The following SMAGP variants were observed in gnomAD, a reference collection of about 807,000 sequenced individuals.
The protein encoded by SMAGP is small cell adhesion glycoprotein.
A neutral mutation model predicts 10.1 loss-of-function variants in SMAGP; 7 were observed. The observed-to-expected ratio is 0.70, with a 90% CI of 0.40 to 1.31. SMAGP has a LOEUF of 1.31. Among genes scored for constraint, SMAGP ranks in the 50% most tolerant of loss-of-function variants. SMAGP has a pLI of 0.01. For synonymous variants in SMAGP, 49 were observed against 47.2 expected (o/e 1.04, Z -0.16); for missense variants, 113 against 116.5 (o/e 0.97, Z 0.14).
chr12:51,259,318 T>C (rs550777819), intron 2 of SMAGP, among the ~76,000 whole-genome samples: 26 of 152,296 alleles, frequency 1.7e-4, no homozygotes, highest in African/African-American at 6.0e-4. Flanking sequence ...CTTACTGTGT[T>C]GCCTAGGCTA....
At chr12:51,259,372 A>T (rs1944913845) in intron 2 of SMAGP, among the ~76,000 whole-genome samples, 1 of 151,658 alleles carries the variant, frequency 6.6e-6, no homozygotes, top group Non-Finnish European at 1.5e-5. Context: ...CCTGAACAAC[A>T]CAAAGTGCTG....
At chr12:51,255,633 A>T (rs1201607328) in intron 2 of SMAGP, among the ~76,000 whole-genome samples, 1 of 152,186 alleles carries the variant, frequency 6.6e-6, no homozygotes, top group African/African-American at 2.4e-5. Flanking sequence ...GCAATACATG[A>T]TTGAAACAGG....
At chr12:51,262,709 C>T (rs1944941212) in intron 2 of SMAGP, among the ~76,000 whole-genome samples, 2 of 152,166 alleles carry the variant, frequency 1.3e-5, no homozygotes, top group Non-Finnish European at 2.9e-5. Context: ...AGCAAATGAC[C>T]TTCAAGATCT....
Position 51,246,794 on chromosome 12 carries a change from C to G in SMAGP, c.72G>C (p.Glu24Asp), listed in dbSNP as rs368812714. The G allele has an allele frequency of 6.3e-7, 1 of 1,582,888 alleles. No individual in the cohort carries two copies. Among genetic ancestry groups the G allele is most frequent in the Non-Finnish European group, 8.6e-7 (1 of 1,164,594 alleles). ...LMTTPILQPT[E>D]ALSPEDGAST... ...TGGCTCCATCTTCTGGGGACAGGGC[C>G]TCAGTGGGCTGTAAAATTGGGGTGG... The change falls in exon 3 of 4, where the codon GAG (glutamate) becomes GAC (aspartate). Residue 24 changes from glutamate to aspartate, a missense_variant. Coordinates refer to ENST00000603798, the MANE Select transcript of SMAGP (RefSeq NM_001031628.2).
intron 2 of SMAGP, among the ~76,000 whole-genome samples, chr12:51,257,659 C>T (rs1944898027): frequency 6.6e-6 from 1 of 152,094 alleles, no homozygotes; most frequent in Admixed American, 6.5e-5. Context: ...ATTCTCTTGC[C>T]TTAGTCTCCC....
At chr12:51,246,428 A>G in intron 3 of SMAGP, 1 of 449,288 alleles carries the variant, frequency 2.2e-6, no homozygotes, top group Non-Finnish European at 3.9e-6. Context: ...TTATCCTAAC[A>G]GGAAGTGGTT....
chr12:51,269,636 A>C (rs1945008439), intron 1 of SMAGP: 2 of 218,326 alleles, frequency 9.2e-6, no homozygotes, highest in South Asian at 7.7e-5. Context: ...ATCAGCAGCG[A>C]ACCCAGTTTC....
At chr12:51,250,531 G>T (rs774598801) in intron 2 of SMAGP, among the ~76,000 whole-genome samples, 268 of 139,624 alleles carry the variant, frequency 1.9e-3, no homozygotes, top group Admixed American at 4.7e-3. Context: ...TGTTGTTGTT[G>T]TTGAGACAAG....
intron 2 of SMAGP, among the ~76,000 whole-genome samples, chr12:51,248,446 TC>T (rs1565656644): frequency 3.4e-4 from 26 of 76,060 alleles, no homozygotes; most frequent in Non-Finnish European, 8.1e-4. Context: ...TCTCTCTCTC[TC>T]TCTCTCTCTC....
At chr12:51,248,426 A>ACTCTCTCTCTCTCTCTCT (rs1944801847) in intron 2 of SMAGP, among the ~76,000 whole-genome samples, 1 of 112,240 alleles carries the variant, frequency 8.9e-6, no homozygotes, top group African/African-American at 3.8e-5. Context: ...ACACACACAC[A>ACTCTCTCTCTCTCTCTCT]CACACACACT....
intron 2 of SMAGP, among the ~76,000 whole-genome samples, chr12:51,254,541 C>T (rs2137301146): frequency 6.6e-6 from 1 of 150,410 alleles, no homozygotes; most frequent in African/African-American, 2.4e-5. Context: ...AGAGAGACTC[C>T]ATCTAAAAAA....
intron 2 of SMAGP, among the ~76,000 whole-genome samples, chr12:51,258,868 TGG>T (rs1006160837): frequency 2.0e-5 from 3 of 150,350 alleles, no homozygotes; most frequent in Non-Finnish European, 4.4e-5. Flanking sequence ...AGTCCAAGGC[TGG>T]GTGCAGTGGC....
At chr12:51,246,450 C>A in intron 3 of SMAGP, 1 of 426,750 alleles carries the variant, frequency 2.3e-6, no homozygotes, top group Non-Finnish European at 4.2e-6. Flanking sequence ...ATCTGATCCT[C>A]CCCCTCTTCC....
At chr12:51,246,885 A>AGCATATGT (rs1944781016) in intron 2 of SMAGP, 54 bp from the exon 3 acceptor site, 2 of 1,405,340 alleles carry the variant, frequency 1.4e-6, no homozygotes, top group Non-Finnish European at 1.9e-6. Flanking sequence ...TTTGTTTGAA[A>AGCATATGT]GCATATGTTT....
chr12:51,267,493 A>ACCCC (rs1944986297), intron 2 of SMAGP, among the ~76,000 whole-genome samples: 1 of 48,230 alleles, frequency 2.1e-5, no homozygotes. Context: ...TGTCCCCCTA[A>ACCCC]CTCTTTTTTT....
At chr12:51,246,969 A>C in intron 2 of SMAGP, 138 bp from the exon 3 acceptor site, 1 of 529,108 alleles carries the variant, frequency 1.9e-6, no homozygotes. Context: ...GTATATCCAA[A>C]TAGAAAATCC....
Position 51,269,318 on chromosome 12 carries a change from T to G in SMAGP, c.-38-2A>C. 1 of 1,613,042 alleles carries G rather than the reference T, an allele frequency of 6.2e-7. No individual in the cohort carries two copies. Among genetic ancestry groups the G allele is most frequent in the South Asian group, 1.1e-5 (1 of 91,046 alleles). ...GAGTTTCTTGGAGAAGAGGCAGATC[T>G]GTAGGAAGAGGGGCAAAGACAGGAA... is the stretch of plus-strand genomic sequence containing the variant. On this transcript the variant is annotated splice_acceptor_variant, in intron 1 of 3. Coordinates refer to ENST00000603798, the MANE Select transcript of SMAGP (RefSeq NM_001031628.2). LOFTEE classifies it low-confidence loss of function (5UTR_SPLICE).
rs1008545204 is a variant in SMAGP, at chr12:51,245,915, A to G, written c.*26T>C. 1 of 1,602,670 alleles carries G rather than the reference A, an allele frequency of 6.2e-7. No individual in the cohort carries two copies. The highest frequency in any genetic ancestry group is 1.3e-5 in the African/African-American group (1 of 74,544). On this transcript the variant is annotated 3_prime_UTR_variant, in exon 4 of 4. Coordinates refer to ENST00000603798, the MANE Select transcript of SMAGP (RefSeq NM_001031628.2). ...CAACGTGTTAGCGATGGAGCCAGGA[A>G]TAAGCTCCTTGGGGCCTGGGAGTCA... is the stretch of plus-strand genomic sequence containing the variant.
At chr12:51,260,206 C>CTTTTTTTT (rs1274632737) in intron 2 of SMAGP, among the ~76,000 whole-genome samples, 7 of 104,902 alleles carry the variant, frequency 6.7e-5, no homozygotes, top group East Asian at 2.8e-4. Flanking sequence ...GTCATGGTTT[C>CTTTTTTTT]TTTTTTTTTT....
Sources: allele counts gnomAD v4.1 joint callset (sites outside exome capture counted in the v4.1 genomes callset), GRCh38; gene constraint gnomAD v4.1.1; transcripts MANE v1.5; gene names NCBI Gene and HGNC (gene_info 2026-07-23, HGNC 2026-07-21).